Variants in BCR observed in about 807,000 individuals in gnomAD.
The protein encoded by BCR is BCR activator of RhoGEF and GTPase.
Under a neutral mutation model 138.6 loss-of-function variants are expected in BCR, and 58 were observed. That is an observed-to-expected ratio of 0.42 (90% CI 0.34 to 0.52). The LOEUF (loss-of-function observed/expected upper bound fraction) is 0.52, where lower values mean the gene tolerates loss of function less well. Among genes scored for constraint, BCR ranks in the 20% least tolerant of loss-of-function variants. The probability of loss-of-function intolerance (pLI) is 0.06; values close to 1 mark genes in which losing one functional copy is unlikely to be tolerated. For missense variants in BCR, 1,599 were observed against 1,727.2 expected (o/e 0.93, Z 1.32); for synonymous variants, 786 against 730.1 (o/e 1.08, Z -1.23).
At chr22:23,300,015 T>A (rs1251389404) in intron 16 of BCR, among the ~76,000 whole-genome samples, 1 of 152,172 alleles carries the variant, frequency 6.6e-6, no homozygotes, top group African/African-American at 2.4e-5. Flanking sequence ...TTTAAAAAAA[T>A]TGTAAAATAA....
At chr22:23,253,535 C>A (rs953594135) in intron 1 of BCR, among the ~76,000 whole-genome samples, 7 of 152,226 alleles carry the variant, frequency 4.6e-5, no homozygotes, top group African/African-American at 1.7e-4. Flanking sequence ...ATCAAATATA[C>A]ATTTCTTAAG....
chr22:23,204,239 C>T (rs762178904), intron 1 of BCR, among the ~76,000 whole-genome samples: 1 of 152,158 alleles, frequency 6.6e-6, no homozygotes. Context: ...CTGGGACCCA[C>T]GCTTGCTCCT....
In BCR at chr22:23,289,554, G is replaced by A; in HGVS notation, c.2640G>A (p.Gln880=). Residue 880 remains glutamine, a synonymous_variant, in exon 13 of 23, where the codon CAG becomes CAA. Coordinates refer to ENST00000305877, the MANE Select transcript of BCR (RefSeq NM_004327.4). ...TCTCCCTGACATCCGTGGAGCTGCA[G>A]ATGCTGACCAACTCGTGTGTGAAAC... ...RSFSLTSVEL[Q]MLTNSCVKLQ... is the part of the protein sequence containing the mutation. The A allele has an allele frequency of 6.2e-7, 1 of 1,614,266 alleles. No individual in the cohort carries two copies. Among genetic ancestry groups the A allele is most frequent in the Non-Finnish European group, 8.5e-7 (1 of 1,180,046 alleles).
At position 23,181,578 on chromosome 22, in the gene BCR, G is replaced by T. The variant is rs1455256856; in HGVS notation, c.618G>T (p.Gln206His). Residue 206 changes from glutamine (Q) to histidine (H), a missense_variant, in exon 1 of 23, where the codon CAG (glutamine) becomes CAT (histidine). This residue lies in a region of BCR where 806 missense variants were observed against 635.0 expected (regional missense o/e 1.27). Transcript: ENST00000305877. ...ACCGCATCAGCTCCCTGGGCAGCCA[G>T]GCCATGCAGATGGAGCGCAAAAAGT... ...VSDRISSLGSQAMQMERKKSQ... is the reference protein window; with the variant it reads ...VSDRISSLGSHAMQMERKKSQ... 4.3e-6 allele frequency: 7 copies of T among 1,612,912 alleles called. No individual in the cohort carries two copies. The highest frequency in any genetic ancestry group is 5.9e-6 in the Non-Finnish European group (7 of 1,180,004).
intron 18 of BCR, among the ~76,000 whole-genome samples, chr22:23,311,361 C>A (rs1326304707): frequency 2.3e-4 from 35 of 150,596 alleles, no homozygotes; most frequent in African/African-American, 5.6e-4. Flanking sequence ...GACCTCCCAG[C>A]CGGGGGTACA....
At chr22:23,291,348 T>C (rs1273022350) in intron 14 of BCR, among the ~76,000 whole-genome samples, 1 of 152,028 alleles carries the variant, frequency 6.6e-6, no homozygotes, top group African/African-American at 2.4e-5. Flanking sequence ...AGCAGTGTCG[T>C]GAAAAGACTG....
intron 4 of BCR, chr22:23,263,844 C>G (rs1349090548): frequency 5.7e-6 from 6 of 1,057,758 alleles, no homozygotes. Context: ...ATACACCATC[C>G]AGACTGAAGA....
At position 23,274,018 on chromosome 22, in the gene BCR, T is replaced by C. The variant is rs187679597; in HGVS notation, c.2115+244T>C. ...ACCATGCCTCACTCAGCCACCTCTT[T>C]CCTTTTCTGTCATTGTGGGTTGTGT... On this transcript the variant is annotated intron_variant, in intron 8 of 22. Transcript: ENST00000305877. Among the ~76,000 whole-genome samples, 10 of 152,266 alleles carry C rather than the reference T, an allele frequency of 6.6e-5. No homozygotes were observed. In the East Asian group the frequency reaches 1.9e-3, roughly 29 times the overall value.
intron 8 of BCR, among the ~76,000 whole-genome samples, chr22:23,280,296 G>A (rs1328687196): frequency 6.6e-6 from 1 of 152,182 alleles, no homozygotes; most frequent in African/African-American, 2.4e-5. Flanking sequence ...AGTCCCCTTA[G>A]CAAGGAGGTG....
rs182540896 is a variant in BCR at position 23,220,981 on chromosome 22, C to T, written c.1280-32818C>T. ...TATCTTTGAAGCCTGTCTGTTAGAA[C>T]CCGCCTCTTTGATGGTAGGGCAGGA... On this transcript the variant is annotated intron_variant, in intron 1 of 22. Coordinates refer to ENST00000305877, the MANE Select transcript of BCR (RefSeq NM_004327.4). Among the ~76,000 whole-genome samples the T allele has an allele frequency of 4.6e-4, 70 of 152,254 alleles. 1 individual carries two copies. The highest frequency in any genetic ancestry group is 4.3e-3 in the Admixed American group (66 of 15,294).
chr22:23,260,768 TGTGA>T (rs2073347419), intron 2 of BCR, 178 bp from the exon 3 acceptor site: 3 of 604,836 alleles, frequency 5.0e-6, no homozygotes, highest in Non-Finnish European at 9.0e-6. Flanking sequence ...TCTCAGTGAC[TGTGA>T]GTGTGTGGCT....
Position 23,181,918 on chromosome 22 carries a change from A to C in BCR, c.958A>C (p.Ser320Arg). 2 of 1,613,486 alleles carry C rather than the reference A, an allele frequency of 1.2e-6. No individual in the cohort carries two copies. Among genetic ancestry groups the C allele is most frequent in the South Asian group, 1.1e-5 (1 of 91,064 alleles). ...TWPRRSYSPRSFEDCGGGYTP... is the reference protein window; with the variant it reads ...TWPRRSYSPRRFEDCGGGYTP... Reference sequence around the variant, plus strand: ...GCCCCGCAGGTCCTACTCCCCCCGGAGTTTTGAGGATTGCGGAGGCGGCTA... The same window carrying C: ...GCCCCGCAGGTCCTACTCCCCCCGGCGTTTTGAGGATTGCGGAGGCGGCTA... The change falls in exon 1 of 23, where the codon AGT becomes CGT. Residue 320 changes from serine (S) to arginine (R), a missense_variant. Ser to Arg is a moderately radical substitution (Grantham distance 110, BLOSUM62 -1). This residue lies in a region of BCR where 806 missense variants were observed against 635.0 expected (regional missense o/e 1.27). Coordinates refer to ENST00000305877, the MANE Select transcript of BCR (RefSeq NM_004327.4).
chr22:23,290,673 G>A (rs775632285), intron 14 of BCR: 8 of 498,574 alleles, frequency 1.6e-5, no homozygotes, highest in African/African-American at 3.9e-5. Flanking sequence ...CAGGTGGATC[G>A]AGTAATTGCA....
intron 1 of BCR, among the ~76,000 whole-genome samples, chr22:23,233,250 C>T (rs1202388132): frequency 6.6e-6 from 1 of 152,212 alleles, no homozygotes; most frequent in Non-Finnish European, 1.5e-5. Context: ...CCTGAGCAGC[C>T]TCTGCAGGCT....
At chr22:23,313,868 G>A in intron 20 of BCR, 100 bp from the exon 21 acceptor site, 1 of 939,890 alleles carries the variant, frequency 1.1e-6, no homozygotes. Flanking sequence ...GACGAGCCTG[G>A]GCTGTGCAGG....
At chr22:23,198,976 G>A (rs1434884078) in intron 1 of BCR, among the ~76,000 whole-genome samples, 3 of 152,136 alleles carry the variant, frequency 2.0e-5, no homozygotes, top group Non-Finnish European at 4.4e-5. Context: ...ACAAAAATTA[G>A]CTGGACGTGG....
chr22:23,263,560 G>A, intron 4 of BCR: 1 of 1,573,898 alleles, frequency 6.4e-7, no homozygotes, highest in Non-Finnish European at 8.7e-7. Context: ...CGTCCAGATG[G>A]TGCCAGCTTG....
chr22:23,290,945 T>C (rs112877183), intron 14 of BCR: 2,139 of 162,174 alleles, frequency 0.013, 51 homozygotes, highest in African/African-American at 0.047. Context: ...CAGTGGCTCA[T>C]GCCTGTAATC....
chr22:23,294,114 A>G (rs983268233), intron 15 of BCR, among the ~76,000 whole-genome samples: 1 of 152,146 alleles, frequency 6.6e-6, no homozygotes, highest in African/African-American at 2.4e-5. Context: ...TTGCAGCAAA[A>G]TGGAGCAGAA....
Sources: allele counts gnomAD v4.1 joint callset (sites outside exome capture counted in the v4.1 genomes callset), GRCh38; gene constraint gnomAD v4.1.1; regional missense constraint gnomAD v4.1.1; transcripts MANE v1.5; gene names NCBI Gene and HGNC (gene_info 2026-07-23, HGNC 2026-07-21).